Variants in RNF130 observed in about 807,000 individuals in gnomAD.
RNF130 encodes ring finger protein 130.
A neutral mutation model predicts 44.6 loss-of-function variants in RNF130; 21 were observed. The observed-to-expected ratio is 0.47, with a 90% confidence interval of 0.33 to 0.68. The LOEUF (loss-of-function observed/expected upper bound fraction) is 0.68, where lower values mean the gene tolerates loss of function less well. Ranked by LOEUF, RNF130 falls within the 30% of genes least tolerant of loss-of-function variation. RNF130 has a pLI of 0.02. For synonymous variants in RNF130, 214 were observed against 210.4 expected (o/e 1.02, Z -0.15); for missense variants, 479 against 560.6 (o/e 0.85, Z 1.47).
chr5:179,943,185 A>T (rs1255903959), intron 7 of RNF130, among the ~76,000 whole-genome samples: 5 of 152,194 alleles, frequency 3.3e-5, no homozygotes, highest in African/African-American at 1.2e-4. Context: ...AGAGCGAGAC[A>T]CTGTCTCAAA....
At chr5:179,928,040 C>A (rs1761731035) in intron 7 of RNF130, among the ~76,000 whole-genome samples, 1 of 152,196 alleles carries the variant, frequency 6.6e-6, no homozygotes, top group Non-Finnish European at 1.5e-5. Flanking sequence ...CTTTTCACCG[C>A]CGCATCATGT....
intron 5 of RNF130, among the ~76,000 whole-genome samples, chr5:179,973,913 C>T (rs1378577215): frequency 6.6e-6 from 1 of 152,142 alleles, no homozygotes; most frequent in East Asian, 1.9e-4. Flanking sequence ...CTTGGGGATA[C>T]AGAACGAGAA....
At chr5:180,062,441 C>A (rs1765009485) in intron 1 of RNF130, among the ~76,000 whole-genome samples, 2 of 152,138 alleles carry the variant, frequency 1.3e-5, no homozygotes, top group East Asian at 3.9e-4. Context: ...AAGGCCCCAC[C>A]TCTTAACACT....
chr5:180,046,605 G>A (rs572390373), intron 1 of RNF130, among the ~76,000 whole-genome samples: 1 of 152,176 alleles, frequency 6.6e-6, no homozygotes, highest in South Asian at 2.1e-4. Flanking sequence ...ACAGGCGGCC[G>A]CACAGCACAG....
chr5:180,014,680 C>G (rs1176394312), intron 2 of RNF130, among the ~76,000 whole-genome samples: 1 of 152,142 alleles, frequency 6.6e-6, no homozygotes, highest in African/African-American at 2.4e-5. Flanking sequence ...GAAGACTACA[C>G]GCAACTGAAA....
At chr5:179,952,262 C>T (rs1393976290), downstream of RNF130, among the ~76,000 whole-genome samples, 1 of 151,758 alleles carries the variant, frequency 6.6e-6, no homozygotes, top group East Asian at 1.9e-4. Context: ...AGAGAAAAAT[C>T]AATAAAACAA....
chr5:179,921,440 T>C (rs1014521780), intron 7 of RNF130, among the ~76,000 whole-genome samples: 1 of 152,254 alleles, frequency 6.6e-6, no homozygotes, highest in Admixed American at 6.5e-5. Context: ...CTCCTAGACC[T>C]GTAAATACTC....
In RNF130 at chr5:180,044,745, T is replaced by C. The variant is rs183870422; in HGVS notation, c.248-4098A>G. Among the ~76,000 whole-genome samples the C allele has an allele frequency of 2.8e-4, 42 of 151,976 alleles. No homozygotes were observed. The East Asian group carries it at 7.0e-3, about 25-fold the overall frequency. On this transcript the variant is annotated intron_variant, in intron 1 of 8. Coordinates refer to ENST00000521389, the MANE Select transcript of RNF130 (RefSeq NM_018434.6). ...TACTCAGAAGGCTGAGGCAGGAGAATTGCTTGAACCCAGGAGGCGGAGGTT... is the reference window on the plus strand; with the variant it reads ...TACTCAGAAGGCTGAGGCAGGAGAACTGCTTGAACCCAGGAGGCGGAGGTT...
At chr5:179,989,552 A>G (rs1763031493) in intron 3 of RNF130, among the ~76,000 whole-genome samples, 1 of 152,234 alleles carries the variant, frequency 6.6e-6, no homozygotes, top group Middle Eastern at 3.4e-3. Flanking sequence ...TTTATCTGGC[A>G]TAAGAATAGC....
chr5:180,008,863 G>A (rs1364875094), intron 3 of RNF130, among the ~76,000 whole-genome samples: 1 of 151,554 alleles, frequency 6.6e-6, no homozygotes, highest in Non-Finnish European at 1.5e-5. Flanking sequence ...CAGCCTGGGT[G>A]ACAGAGTAAG....
chr5:179,944,127 A>G (rs1762003927), intron 7 of RNF130, among the ~76,000 whole-genome samples: 2 of 151,482 alleles, frequency 1.3e-5, no homozygotes. Flanking sequence ...GCCTGCCACC[A>G]TGCCTAGCTT....
chr5:180,060,227 A>G (rs1009209697), intron 1 of RNF130, among the ~76,000 whole-genome samples: 1 of 152,218 alleles, frequency 6.6e-6, no homozygotes, highest in Admixed American at 6.5e-5. Flanking sequence ...GAACTGTAAG[A>G]GGAGTAAATT....
intron 2 of RNF130, among the ~76,000 whole-genome samples, chr5:180,026,084 G>A (rs1763977877): frequency 1.3e-5 from 2 of 149,410 alleles, no homozygotes; most frequent in South Asian, 4.2e-4. Context: ...GAAAAAAGGT[G>A]AAGAGCCATT....
intron 3 of RNF130, among the ~76,000 whole-genome samples, chr5:179,999,126 G>A (rs566448006): frequency 1.9e-3 from 281 of 151,728 alleles, no homozygotes; most frequent in Non-Finnish European, 2.9e-3. Context: ...AGGTTCAAGC[G>A]ATTCTCTGCC....
At chr5:179,995,740 T>A (rs1237115360) in intron 3 of RNF130, among the ~76,000 whole-genome samples, 1 of 152,230 alleles carries the variant, frequency 6.6e-6, no homozygotes, top group East Asian at 1.9e-4. Context: ...AGAGGAACAC[T>A]GACTCCCCAT....
chr5:179,963,733 G>C (rs1329990346), intron 7 of RNF130, 169 bp from the exon 8 acceptor site: 4 of 613,518 alleles, frequency 6.5e-6, no homozygotes, highest in Non-Finnish European at 1.2e-5. Flanking sequence ...ACTGGAGAAG[G>C]TTAGTGGAAG....
chr5:180,065,684 C>T (rs752696698), intron 1 of RNF130, among the ~76,000 whole-genome samples: 16 of 151,660 alleles, frequency 1.1e-4, no homozygotes, highest in Non-Finnish European at 2.4e-4. Flanking sequence ...TGCTTGAACC[C>T]AGGAGACAGA....
chr5:179,929,039 C>T (rs1761768777), intron 7 of RNF130, among the ~76,000 whole-genome samples: 1 of 152,046 alleles, frequency 6.6e-6, no homozygotes, highest in African/African-American at 2.4e-5. Flanking sequence ...GAAGTCTTTG[C>T]CTATCTGAAG....
intron 7 of RNF130, among the ~76,000 whole-genome samples, chr5:179,926,582 A>G (rs2113673058): frequency 6.6e-6 from 1 of 152,278 alleles, no homozygotes; most frequent in East Asian, 1.9e-4. Flanking sequence ...AGGGAGGTGG[A>G]GGTGGCAGTG....
Sources: allele counts gnomAD v4.1 joint callset (sites outside exome capture counted in the v4.1 genomes callset), GRCh38; gene constraint gnomAD v4.1.1; transcripts MANE v1.5; gene names NCBI Gene and HGNC (gene_info 2026-07-23, HGNC 2026-07-21).